The following CACNA1H variants were observed in gnomAD, a reference collection of about 807,000 sequenced individuals.
The protein encoded by CACNA1H is calcium voltage-gated channel subunit alpha1 H.
CACNA1H carries 149 observed loss-of-function variants against 192.5 expected under a neutral mutation model. The observed-to-expected ratio is 0.77, with a 90% CI of 0.68 to 0.89. The LOEUF is 0.89. Among genes scored for constraint, CACNA1H ranks in the 40% least tolerant of loss-of-function variants. The pLI is 0.00. For synonymous variants in CACNA1H, 2,202 were observed against 1,475.2 expected (o/e 1.49, Z -11.29); for missense variants, 4,257 against 3,423.5 (o/e 1.24, Z -6.08).
At chr16:1,198,534 C>A in intron 5 of CACNA1H, 81 bp from the exon 6 acceptor site, 1 of 1,506,006 alleles carries the variant, frequency 6.6e-7, no homozygotes, top group Non-Finnish European at 9.1e-7. Flanking sequence ...GGACGGGGCT[C>A]GGGGGTCCCG....
In CACNA1H at chr16:1,198,682, C is replaced by G. The variant is rs768508455; in HGVS notation, c.711C>G (p.Cys237Trp). Residue 237 changes from cysteine (C) to tryptophan (W), a missense_variant, in exon 6 of 35, where the codon TGC becomes TGG. Coordinates refer to ENST00000348261, the MANE Select transcript of CACNA1H (RefSeq NM_021098.3). ...LPMLGNVLLLCFFVFFIFGIV... is the reference protein window; with the variant it reads ...LPMLGNVLLLWFFVFFIFGIV... ...TGCTCGGGAACGTCCTTCTGCTGTG[C>G]TTCTTCGTCTTCTTCATTTTCGGCA... The G allele has an allele frequency of 6.2e-7, 1 of 1,613,406 alleles. No individual in the cohort carries two copies. The highest frequency in any genetic ancestry group is 8.5e-7 in the Non-Finnish European group (1 of 1,179,642).
At position 1,215,152 on chromosome 16, in the gene CACNA1H, C is replaced by T. The variant is rs67847286; in HGVS notation, c.5039+71C>T. On this transcript the variant is annotated intron_variant, in intron 28 of 34. Coordinates refer to ENST00000348261, the MANE Select transcript of CACNA1H (RefSeq NM_021098.3). ...TCTGGGGGCTGGGGGCAGGTGAGGC[C>T]GCAGGCTTTCCCACGGAGGTCTGCA... 5,683 of 1,580,002 alleles carry T rather than the reference C, an allele frequency of 3.6e-3. 42 individuals carry two copies. The highest frequency in any genetic ancestry group is 0.013 in the Middle Eastern group (78 of 6,006).
chr16:1,168,688 C>G (rs1386074854), intron 2 of CACNA1H, among the ~76,000 whole-genome samples: 1 of 152,116 alleles, frequency 6.6e-6, no homozygotes, highest in Admixed American at 6.5e-5. Flanking sequence ...TGCTGGGCCC[C>G]ACTCATTGCC....
intron 2 of CACNA1H, among the ~76,000 whole-genome samples, chr16:1,191,832 TGGCCTGGTTGTGTGGC>T: frequency 3.0e-5 from 4 of 134,696 alleles, no homozygotes; most frequent in African/African-American, 1.2e-4. Flanking sequence ...CCCAGCAGGC[TGGCCTGGTTGTGTGGC>T]CTCAGGCACA....
intron 2 of CACNA1H, among the ~76,000 whole-genome samples, chr16:1,161,037 C>T (rs1164754734): frequency 6.6e-6 from 1 of 152,166 alleles, no homozygotes; most frequent in East Asian, 1.9e-4. Context: ...GAAGAGGCTC[C>T]TCTGACCCCC....
In CACNA1H at chr16:1,215,589, C is replaced by A; in HGVS notation, c.5240C>A (p.Pro1747His). Residue 1747 changes from proline to histidine, a missense_variant, in exon 30 of 35, where the codon CCC becomes CAC. Coordinates refer to ENST00000348261, the MANE Select transcript of CACNA1H (RefSeq NM_021098.3). ...CTGGACACTGTGGTGCAAGCTCTCCCCCAGGTAGGTGGAGCCCGCGCCATC... is the reference window on the plus strand; with the variant it reads ...CTGGACACTGTGGTGCAAGCTCTCCACCAGGTAGGTGGAGCCCGCGCCATC... ...ALLDTVVQAL[P>H]QVGNLGLLFM... The A allele has an allele frequency of 6.2e-7, 1 of 1,611,028 alleles. No homozygotes were observed. The highest frequency in any genetic ancestry group is 1.3e-5 in the African/African-American group (1 of 75,028).
chr16:1,218,137 A>C, intron 32 of CACNA1H, 73 bp from the exon 33 acceptor site: 1 of 1,531,434 alleles, frequency 6.5e-7, no homozygotes, highest in Admixed American at 2.0e-5. Context: ...GGGCAGGGGG[A>C]AGGGGACGGC....
At chr16:1,210,245 A>G (rs1761519654) in intron 18 of CACNA1H, 110 bp downstream of exon 18, 1 of 1,228,094 alleles carries the variant, frequency 8.1e-7, no homozygotes, top group Non-Finnish European at 1.2e-6. Flanking sequence ...CCGAGTGGGC[A>G]CCCCTTCTCA....
chr16:1,154,961 C>T (rs1306815974), intron 2 of CACNA1H, among the ~76,000 whole-genome samples: 1 of 152,154 alleles, frequency 6.6e-6, no homozygotes, highest in Admixed American at 6.5e-5. Flanking sequence ...GCTGGGGTGG[C>T]CAGGCCGTGG....
In CACNA1H at chr16:1,200,245, C is replaced by T. The variant is rs759606293; in HGVS notation, c.804-11C>T. 6 of 1,586,276 alleles carry T rather than the reference C, an allele frequency of 3.8e-6. No homozygotes were observed. The highest frequency in any genetic ancestry group is 1.7e-4 in the Middle Eastern group (1 of 6,002). Reference sequence around the variant, plus strand: ...ATTGTACCTTTTGGCCCTGGCTGTGCCCATCCCCAGGAACAACAACCTGAC... The same window carrying T: ...ATTGTACCTTTTGGCCCTGGCTGTGTCCATCCCCAGGAACAACAACCTGAC... On this transcript the variant is annotated splice_polypyrimidine_tract_variant and intron_variant, in intron 6 of 34. Coordinates refer to ENST00000348261, the MANE Select transcript of CACNA1H (RefSeq NM_021098.3).
At chr16:1,161,633 C>T (rs935651174) in intron 2 of CACNA1H, among the ~76,000 whole-genome samples, 1 of 152,204 alleles carries the variant, frequency 6.6e-6, no homozygotes, top group African/African-American at 2.4e-5. Flanking sequence ...CCTGTCACAC[C>T]ACTTTGGTCT....
intron 2 of CACNA1H, among the ~76,000 whole-genome samples, chr16:1,176,094 C>T (rs1412142635): frequency 1.3e-5 from 2 of 152,258 alleles, no homozygotes; most frequent in Admixed American, 6.5e-5. Context: ...GATCTTTACA[C>T]CTCATCGCAG....
intron 2 of CACNA1H, among the ~76,000 whole-genome samples, chr16:1,187,608 G>A (rs944085569): frequency 2.0e-5 from 3 of 152,226 alleles, no homozygotes; most frequent in African/African-American, 7.2e-5. Context: ...CCTCCCAGCT[G>A]CAGAGCTCTG....
In CACNA1H at chr16:1,210,350, A is replaced by AAACCC; in HGVS notation, c.3846-20_3846-19insAACCC. ...TCCACGCCGCCCCGCCCCACCTCTC[A>AAACCC]CCCGCCCCCGCCCACCCAGGTTCCG... On this transcript the variant is annotated intron_variant, in intron 18 of 34. Transcript: ENST00000348261. 30 of 313,924 alleles carry AAACCC rather than the reference A, an allele frequency of 9.6e-5. No individual in the cohort carries two copies. Among genetic ancestry groups the AAACCC allele is most frequent in the Non-Finnish European group, 1.2e-4 (26 of 215,938 alleles). 19.4% of individuals were successfully genotyped at this position (313,924 alleles called of 1,614,324 possible).
Position 1,210,366 on chromosome 16 carries a change from C to T in CACNA1H, c.3846-4C>T, listed in dbSNP as rs370085940. 4.0e-5 allele frequency: 61 copies of T among 1,533,608 alleles called. No homozygotes were observed. In the African/African-American group the frequency reaches 7.5e-4, roughly 19 times the overall value. ...CCACCTCTCACCCGCCCCCGCCCAC[C>T]CAGGTTCCGCGTCTCCTGCCAGAAG... On this transcript the variant is annotated splice_polypyrimidine_tract_variant and splice_region_variant and intron_variant, in intron 18 of 34. Coordinates refer to ENST00000348261, the MANE Select transcript of CACNA1H (RefSeq NM_021098.3).
At position 1,218,005 on chromosome 16, in the gene CACNA1H, G is replaced by T. The variant is rs556889010; in HGVS notation, c.5410G>T (p.Val1804Leu). ...FGMAFLTLFR[V>L]STGDNWNGIM... is the part of the protein sequence containing the mutation. Reference sequence around the variant, plus strand: ...CATGGCCTTCCTCACGCTGTTCCGCGTGTCCACGGGGGACAACTGGAACGG... The same window carrying T: ...CATGGCCTTCCTCACGCTGTTCCGCTTGTCCACGGGGGACAACTGGAACGG... The change falls in exon 32 of 35, where the codon GTG (valine) becomes TTG (leucine). Residue 1804 changes from valine to leucine, a missense_variant. Physicochemically the swap from Val to Leu is conservative, Grantham distance 32. Transcript: ENST00000348261. The T allele has an allele frequency of 6.2e-7, 1 of 1,601,756 alleles. No homozygotes were observed. Among genetic ancestry groups the T allele is most frequent in the South Asian group, 1.1e-5 (1 of 89,014 alleles).
chr16:1,202,514 T>G, intron 9 of CACNA1H, 62 bp downstream of exon 9: 1 of 1,379,570 alleles, frequency 7.2e-7, no homozygotes, highest in Non-Finnish European at 9.6e-7. Flanking sequence ...GGGCAGGGTC[T>G]CCGGTGTGTC....
At chr16:1,200,843 C>G (rs1367821036) in intron 8 of CACNA1H, 35 bp downstream of exon 8, 9 of 1,515,014 alleles carry the variant, frequency 5.9e-6, no homozygotes, top group Non-Finnish European at 8.1e-6. Flanking sequence ...CATGATGGGC[C>G]CTGGTGTTAG....
chr16:1,174,771 G>A (rs1474763756), intron 2 of CACNA1H, among the ~76,000 whole-genome samples: 1 of 152,198 alleles, frequency 6.6e-6, no homozygotes, highest in African/African-American at 2.4e-5. Flanking sequence ...TTAATGGATC[G>A]AGTCGTTGGT....
Sources: allele counts gnomAD v4.1 joint callset (sites outside exome capture counted in the v4.1 genomes callset), GRCh38; gene constraint gnomAD v4.1.1; transcripts MANE v1.5; gene names NCBI Gene and HGNC (gene_info 2026-07-23, HGNC 2026-07-21).